The following MEGF10 variants were observed in gnomAD, a reference collection of about 807,000 sequenced individuals.
MEGF10 encodes the protein multiple EGF like domains 10, also known as multiple epidermal growth factor-like domains protein 10.
A neutral mutation model predicts 147.5 loss-of-function variants in MEGF10; 86 were observed. That is an observed-to-expected ratio of 0.58 (90% CI 0.49 to 0.70). The LOEUF (loss-of-function observed/expected upper bound fraction) is 0.70, where lower values mean the gene tolerates loss of function less well. Ranked by LOEUF, MEGF10 falls within the 30% of genes least tolerant of loss-of-function variation. The pLI is 0.00. For synonymous variants in MEGF10, 478 were observed against 525.5 expected (o/e 0.91, Z 1.24); for missense variants, 1,329 against 1,487.3 (o/e 0.89, Z 1.75).
At chr5:127,358,902 T>A (rs141591867) in intron 4 of MEGF10, among the ~76,000 whole-genome samples, 1,645 of 152,312 alleles carry the variant, frequency 0.011, 32 homozygotes, top group African/African-American at 0.038. Context: ...CTGTGAGAGT[T>A]GTGGCCAGAA....
the MEGF10 span, among the ~76,000 whole-genome samples, chr5:127,277,720 A>C: frequency 6.6e-6 from 1 of 152,208 alleles, no homozygotes; most frequent in Non-Finnish European, 1.5e-5. Flanking sequence ...GAAGGTCTGG[A>C]GTAGGTTGGT....
At position 127,378,211 on chromosome 5, in the gene MEGF10, A is replaced by T. The variant is rs1307898404; in HGVS notation, c.412+8209A>T. Among the ~76,000 whole-genome samples, 3 of 152,124 alleles carry T rather than the reference A, an allele frequency of 2.0e-5. No homozygotes were observed. In the East Asian group the frequency reaches 5.8e-4, roughly 29 times the overall value. The stretch of plus-strand genomic sequence containing the variant: ...GTGCCTCCCTTTCCTCATGCTTTGA[A>T]CAAGGATAAGAATATCTATTATACT... On this transcript the variant is annotated intron_variant, in intron 5 of 24. Coordinates refer to ENST00000503335, the MANE Select transcript of MEGF10 (RefSeq NM_001256545.2).
At chr5:127,387,413 C>A (rs964551755) in intron 5 of MEGF10, among the ~76,000 whole-genome samples, 8 of 152,162 alleles carry the variant, frequency 5.3e-5, no homozygotes, top group Admixed American at 3.3e-4. Context: ...TTCTGATGAA[C>A]CTGCTGCTAC....
chr5:127,371,253 G>A (rs1762840572), intron 5 of MEGF10, among the ~76,000 whole-genome samples: 1 of 145,390 alleles, frequency 6.9e-6, no homozygotes, highest in African/African-American at 2.5e-5. Flanking sequence ...GTGTCTTTCT[G>A]CCCCTGACAG....
the MEGF10 span, among the ~76,000 whole-genome samples, chr5:127,256,587 C>T: frequency 1.3e-5 from 2 of 152,118 alleles, no homozygotes; most frequent in African/African-American, 4.8e-5. Context: ...TGAGTTTGAT[C>T]TCTCTCCCTT....
chr5:127,411,274 C>G (rs1014362566), intron 9 of MEGF10, among the ~76,000 whole-genome samples: 1 of 152,210 alleles, frequency 6.6e-6, no homozygotes, highest in Non-Finnish European at 1.5e-5. Context: ...TTCCCTCCCC[C>G]AGGGACCAGA....
At chr5:127,389,855 G>A (rs184602089) in intron 5 of MEGF10, among the ~76,000 whole-genome samples, 1 of 152,126 alleles carries the variant, frequency 6.6e-6, no homozygotes, top group Non-Finnish European at 1.5e-5. Context: ...GAAATAATCT[G>A]TATGACAAAC....
At chr5:127,247,344 G>C in the MEGF10 span, among the ~76,000 whole-genome samples, 10 of 2,240 alleles carry the variant, frequency 4.5e-3, no homozygotes, top group African/African-American at 0.012. Context: ...AGAAGAAGAA[G>C]AAGAAGAAGA....
intron 2 of MEGF10, among the ~76,000 whole-genome samples, chr5:127,338,002 T>C (rs1761531590): frequency 6.6e-6 from 1 of 152,136 alleles, no homozygotes; most frequent in African/African-American, 2.4e-5. Flanking sequence ...ATGGCTGTCC[T>C]ATTGAAGCCT....
chr5:127,292,649 A>G (rs1054120242), intron 1 of MEGF10, among the ~76,000 whole-genome samples: 3 of 152,190 alleles, frequency 2.0e-5, no homozygotes, highest in Non-Finnish European at 4.4e-5. Context: ...CAGAGCTGGA[A>G]TTTATAGGGT....
intron 1 of MEGF10, among the ~76,000 whole-genome samples, chr5:127,302,180 T>C (rs2546806): frequency 0.63 from 95,403 of 152,074 alleles, 30,205 homozygotes; most frequent in Middle Eastern, 0.76. Flanking sequence ...CAGCATTATT[T>C]ACAACAGCCA....
At chr5:127,401,422 T>C (rs1338593361) in intron 7 of MEGF10, among the ~76,000 whole-genome samples, 3 of 152,208 alleles carry the variant, frequency 2.0e-5, no homozygotes, top group East Asian at 3.9e-4. Flanking sequence ...TGTTTGTAGA[T>C]AGCTAGAAAC....
At chr5:127,443,639 G>C (rs1274832813) in intron 19 of MEGF10, among the ~76,000 whole-genome samples, 5 of 152,030 alleles carry the variant, frequency 3.3e-5, no homozygotes, top group Admixed American at 2.0e-4. Flanking sequence ...TTTTCTGTCA[G>C]TATAGATTAG....
At chr5:127,398,492 A>G (rs1207590626) in intron 6 of MEGF10, among the ~76,000 whole-genome samples, 184 bp from the exon 7 acceptor site, 1 of 152,218 alleles carries the variant, frequency 6.6e-6, no homozygotes, top group Non-Finnish European at 1.5e-5. Flanking sequence ...AACAAAGGGA[A>G]GGACTGGGTG....
chr5:127,379,683 C>T (rs1389552171), intron 5 of MEGF10, among the ~76,000 whole-genome samples: 2 of 150,264 alleles, frequency 1.3e-5, no homozygotes, highest in African/African-American at 4.9e-5. Flanking sequence ...CACTGCAACC[C>T]GTGCCTCCCG....
the MEGF10 span, among the ~76,000 whole-genome samples, chr5:127,264,171 G>T: frequency 1.3e-5 from 2 of 152,012 alleles, no homozygotes; most frequent in African/African-American, 2.4e-5. Flanking sequence ...TACAGAAAAG[G>T]AAAACACTAT....
At chr5:127,335,584 G>A (rs1304999344) in intron 2 of MEGF10, among the ~76,000 whole-genome samples, 3 of 152,118 alleles carry the variant, frequency 2.0e-5, no homozygotes, top group African/African-American at 7.2e-5. Flanking sequence ...TGATTGGTGG[G>A]TATTGAGCAA....
chr5:127,234,771 T>A, the MEGF10 span, among the ~76,000 whole-genome samples: 7 of 152,204 alleles, frequency 4.6e-5, no homozygotes, highest in East Asian at 1.2e-3. Context: ...TCTCACTTTT[T>A]ACTTTTCTAT....
intron 5 of MEGF10, among the ~76,000 whole-genome samples, chr5:127,376,638 G>A (rs1444174689): frequency 5.9e-5 from 9 of 152,058 alleles, no homozygotes; most frequent in African/African-American, 1.9e-4. Flanking sequence ...GCAGAAGGGC[G>A]GTTACATTGA....
Sources: gnomAD v4.1 joint callset for allele counts (sites outside exome capture counted in the v4.1 genomes callset) on GRCh38, gnomAD v4.1.1 for gene constraint, MANE v1.5 for transcripts, NCBI Gene and HGNC (gene_info 2026-07-23, HGNC 2026-07-21) for gene names.